The following CAST variants were observed in gnomAD, a reference collection of about 807,000 sequenced individuals.
CAST encodes MIR583 host.
A neutral mutation model predicts 119.6 loss-of-function variants in CAST; 76 were observed. That is an observed-to-expected ratio of 0.64 (90% CI 0.53 to 0.77). The LOEUF (loss-of-function observed/expected upper bound fraction) is 0.77, where lower values mean the gene tolerates loss of function less well. Ranked by LOEUF, CAST falls within the 30% of genes least tolerant of loss-of-function variation. CAST has a pLI of 0.00. For synonymous variants in CAST, 319 were observed against 331.6 expected, an observed-to-expected ratio of 0.96 and a Z score of 0.41; for missense variants, 953 against 946.5, an observed-to-expected ratio of 1.01 and a Z score of -0.09.
upstream of CAST, among the ~76,000 whole-genome samples, chr5:96,660,173 C>CT (rs1748235396): frequency 6.6e-6 from 1 of 152,204 alleles, no homozygotes; most frequent in African/African-American, 2.4e-5. Flanking sequence ...GTGGGTTCCT[C>CT]TTTATCTCGT....
chr5:96,175,638 G>A, the CAST span, among the ~76,000 whole-genome samples: 529 of 152,284 alleles, frequency 3.5e-3, 2 homozygotes, highest in African/African-American at 0.012. Context: ...TTCTAAAAGC[G>A]TGACGTTGTT....
intron 3 of CAST, among the ~76,000 whole-genome samples, chr5:96,717,313 A>T (rs941461005): frequency 6.6e-6 from 1 of 152,230 alleles, no homozygotes; most frequent in Non-Finnish European, 1.5e-5. Flanking sequence ...AGCAGATGCA[A>T]ATAGTGTATC....
chr5:96,675,773 T>A, intron 2 of CAST, 172 bp downstream of exon 2: 1 of 544,460 alleles, frequency 1.8e-6, no homozygotes, highest in Non-Finnish European at 3.2e-6. Context: ...TAAAAATAAA[T>A]AAAAAAAATT....
intron 1 of CAST, among the ~76,000 whole-genome samples, chr5:96,656,522 C>T (rs1047851409): frequency 1.3e-5 from 2 of 152,154 alleles, no homozygotes; most frequent in African/African-American, 2.4e-5. Flanking sequence ...GCTGACTTTC[C>T]GGGTCCTCAG....
chr5:96,170,612 T>C, the CAST span, among the ~76,000 whole-genome samples: 1 of 152,204 alleles, frequency 6.6e-6, no homozygotes, highest in Admixed American at 6.5e-5. Flanking sequence ...AAAGTGCATA[T>C]TGAGACTAAA....
the CAST span, among the ~76,000 whole-genome samples, chr5:96,396,403 A>G: frequency 6.6e-6 from 1 of 152,064 alleles, no homozygotes; most frequent in African/African-American, 2.4e-5. Context: ...TCTACTAAAA[A>G]TACAAAAATT....
chr5:96,663,542 G>A (rs1748888281), intron 1 of CAST, among the ~76,000 whole-genome samples: 1 of 152,230 alleles, frequency 6.6e-6, no homozygotes, highest in Non-Finnish European at 1.5e-5. Flanking sequence ...TTGATCTAGA[G>A]TTCTTTTTTA....
rs565060626 is a variant in CAST at position 96,549,820 on chromosome 5, C to T, written c.60+19940C>T. 5.3e-5 allele frequency among the ~76,000 whole-genome samples: 8 copies of T among 152,314 alleles called. No individual in the cohort carries two copies. The South Asian group carries it at 6.2e-4, about 12-fold the overall frequency. On this transcript the variant is annotated intron_variant, in intron 1 of 11. Transcript: ENST00000505143. ...ACAGCAGTCTGAAATCGACCTGGGA[C>T]GTGGGAGCTTGGGAGGGATGTCCGC...
chr5:96,424,271 G>A, the CAST span, among the ~76,000 whole-genome samples: 2 of 152,206 alleles, frequency 1.3e-5, no homozygotes, highest in Admixed American at 6.5e-5. Context: ...CCATAAAGAG[G>A]TTGGGGGGTG....
chr5:96,077,411 TTTGA>T, the CAST span, among the ~76,000 whole-genome samples: 1 of 152,230 alleles, frequency 6.6e-6, no homozygotes, highest in African/African-American at 2.4e-5. Context: ...TTTGCATTTC[TTTGA>T]TTATTAGGCA....
chr5:96,282,933 TC>T, the CAST span, among the ~76,000 whole-genome samples: 1,106 of 151,162 alleles, frequency 7.3e-3, 12 homozygotes, highest in African/African-American at 0.026. Flanking sequence ...ATCGAGACCA[TC>T]CTGGCTAACA....
At chr5:96,615,458 T>G (rs1346782225) in intron 1 of CAST, among the ~76,000 whole-genome samples, 1 of 152,230 alleles carries the variant, frequency 6.6e-6, no homozygotes, top group Non-Finnish European at 1.5e-5. Context: ...CAGAGTGTGT[T>G]CACATAGTCC....
chr5:96,166,943 C>G, the CAST span, among the ~76,000 whole-genome samples: 19 of 152,014 alleles, frequency 1.2e-4, no homozygotes, highest in Non-Finnish European at 2.6e-4. Flanking sequence ...AGTGGGATTA[C>G]GAGCGGCTTG....
At chr5:96,616,393 G>A (rs946291664) in intron 1 of CAST, among the ~76,000 whole-genome samples, 6 of 152,188 alleles carry the variant, frequency 3.9e-5, no homozygotes, top group Non-Finnish European at 7.4e-5. Flanking sequence ...GTCAGAGACA[G>A]AAAGCAACCA....
At chr5:95,963,459 C>A in the CAST span, among the ~76,000 whole-genome samples, 1 of 152,318 alleles carries the variant, frequency 6.6e-6, no homozygotes, top group East Asian at 1.9e-4. Context: ...TTTCAATCCA[C>A]TAAGATTGGC....
At chr5:96,352,076 C>A in the CAST span, among the ~76,000 whole-genome samples, 1 of 152,138 alleles carries the variant, frequency 6.6e-6, no homozygotes, top group Admixed American at 6.6e-5. Flanking sequence ...AGAGGTCTAT[C>A]AGATCTGCCC....
the CAST span, among the ~76,000 whole-genome samples, chr5:96,151,962 AGCAGCCTCTC>A: frequency 6.6e-6 from 1 of 152,180 alleles, no homozygotes; most frequent in East Asian, 1.9e-4. Context: ...TGTCATGACC[AGCAGCCTCTC>A]CTATGACACT....
At chr5:96,398,614 A>T in the CAST span, among the ~76,000 whole-genome samples, 1 of 152,230 alleles carries the variant, frequency 6.6e-6, no homozygotes, top group African/African-American at 2.4e-5. Context: ...AAAAGTAAAC[A>T]GTTTGAAAAT....
the CAST span, among the ~76,000 whole-genome samples, chr5:96,101,537 AC>A: frequency 6.6e-6 from 1 of 152,228 alleles, no homozygotes; most frequent in Non-Finnish European, 1.5e-5. Context: ...GCTTCTCAGC[AC>A]AACAGTTCCC....
Sources: allele counts gnomAD v4.1 joint callset (sites outside exome capture counted in the v4.1 genomes callset), GRCh38; gene constraint gnomAD v4.1.1; transcripts MANE v1.5; gene names NCBI Gene and HGNC (gene_info 2026-07-23, HGNC 2026-07-21).